The following NDUFAF5 variants were observed in gnomAD, a reference collection of about 807,000 sequenced individuals.
The protein encoded by NDUFAF5 is NADH:ubiquinone oxidoreductase complex assembly factor 5, also known as arginine-hydroxylase NDUFAF5, mitochondrial.
Under a neutral mutation model 48.9 loss-of-function variants are expected in NDUFAF5, and 34 were observed. The ratio of observed to expected loss-of-function variants is 0.70; its 90% CI spans 0.53 to 0.93. The LOEUF is 0.93. NDUFAF5 is among the 40% of genes least tolerant of loss of function. NDUFAF5 has a pLI of 0.00. For missense variants in NDUFAF5, 428 were observed against 427.5 expected (o/e 1.00, Z -0.01); for synonymous variants, 153 against 150.6 (o/e 1.02, Z -0.12).
intron 7 of NDUFAF5, 111 bp downstream of exon 7, chr20:13,801,794 TC>T (rs1347410636): frequency 2.2e-6 from 2 of 919,644 alleles, no homozygotes; most frequent in African/African-American, 3.3e-5. Context: ...ACTCTTTCTC[TC>T]CCTTTTTTTT....
At chr20:13,799,098 G>T (rs1227195251) in intron 6 of NDUFAF5, among the ~76,000 whole-genome samples, 2 of 152,168 alleles carry the variant, frequency 1.3e-5, no homozygotes, top group East Asian at 1.9e-4. Context: ...AGGCACAAGA[G>T]CTTCATCAGC....
chr20:13,813,312 T>A (rs573942900), intron 8 of NDUFAF5, among the ~76,000 whole-genome samples: 67 of 152,348 alleles, frequency 4.4e-4, no homozygotes, highest in African/African-American at 1.6e-3. Flanking sequence ...GTAATGCTGC[T>A]TTTTCTTAAC....
intron 8 of NDUFAF5, among the ~76,000 whole-genome samples, chr20:13,813,168 T>C (rs973514378): frequency 6.6e-6 from 1 of 152,240 alleles, no homozygotes; most frequent in Non-Finnish European, 1.5e-5. Context: ...CAGGCTGGTC[T>C]TGAACTCCTG....
At position 13,813,415 on chromosome 20, in the gene NDUFAF5, T is replaced by C. The variant is rs1343290554; in HGVS notation, c.779-3048T>C. On this transcript the variant is annotated intron_variant, in intron 8 of 10. Coordinates refer to ENST00000378106, the MANE Select transcript of NDUFAF5 (RefSeq NM_024120.5). ...GAAATTATTTACACTTATAAAATGA[T>C]ATTTAACAAAATAGATATAATCATT... Among the ~76,000 whole-genome samples the C allele has an allele frequency of 6.6e-5, 10 of 152,358 alleles. No homozygotes were observed. The East Asian group carries it at 1.9e-3, about 29-fold the overall frequency.
chr20:13,801,773 G>A, intron 7 of NDUFAF5, 90 bp downstream of exon 7: 4 of 1,094,418 alleles, frequency 3.7e-6, no homozygotes, highest in Non-Finnish European at 5.5e-6. Flanking sequence ...ATGTGTTCAT[G>A]GTTTCATGGC....
chr20:13,816,637 C>A (rs959813594), intron 9 of NDUFAF5, 91 bp downstream of exon 9: 12 of 1,026,350 alleles, frequency 1.2e-5, no homozygotes, highest in Middle Eastern at 2.9e-4. Context: ...ATTTTCCATT[C>A]CTGTTAAGGC....
intron 8 of NDUFAF5, among the ~76,000 whole-genome samples, chr20:13,809,657 G>A (rs1045009015): frequency 6.6e-6 from 1 of 152,194 alleles, no homozygotes; most frequent in African/African-American, 2.4e-5. Flanking sequence ...TGCCCCTTGA[G>A]GCATCTTAGA....
Position 13,817,359 on chromosome 20 carries a change from A to G in NDUFAF5, c.*149A>G, listed in dbSNP as rs147825103. ...ATTAGGAAAACCTAATATCACATCTATAGTAACCATTTCAGTTTCATATTG... is the reference window on the plus strand; with the variant it reads ...ATTAGGAAAACCTAATATCACATCTGTAGTAACCATTTCAGTTTCATATTG... On this transcript the variant is annotated 3_prime_UTR_variant, in exon 11 of 11. Transcript: ENST00000378106. The G allele has an allele frequency of 5.2e-5, 38 of 730,250 alleles. No homozygotes were observed. The African/African-American group carries it at 5.9e-4, about 11-fold the overall frequency. 45.2% of individuals were successfully genotyped at this position (730,250 alleles called of 1,614,324 possible).
intron 7 of NDUFAF5, chr20:13,801,931 A>G: frequency 2.3e-6 from 1 of 436,676 alleles, no homozygotes. Context: ...AATGTATCAT[A>G]GTTAACAAGA....
chr20:13,804,415 C>T (rs1984689624), intron 7 of NDUFAF5, among the ~76,000 whole-genome samples: 1 of 148,868 alleles, frequency 6.7e-6, no homozygotes, highest in South Asian at 2.1e-4. Flanking sequence ...TAGTGTGTAA[C>T]CTTCCAGACT....
At chr20:13,798,337 T>C in intron 5 of NDUFAF5, 124 bp from the exon 6 acceptor site, 1 of 741,716 alleles carries the variant, frequency 1.3e-6, no homozygotes, top group Non-Finnish European at 2.5e-6. Flanking sequence ...GATCAGTGGA[T>C]TTGGATATGC....
intron 2 of NDUFAF5, among the ~76,000 whole-genome samples, chr20:13,787,683 C>T (rs1239912399): frequency 3.3e-5 from 5 of 152,178 alleles, no homozygotes; most frequent in Non-Finnish European, 7.3e-5. Context: ...TCCGAAGCCT[C>T]TGTACCTAAC....
In NDUFAF5 at chr20:13,801,626, T is replaced by A. The variant is rs773653504; in HGVS notation, c.660T>A (p.Thr220=). The part of the protein sequence containing the change: ...GGFSPHISPF[T]AVNDLGHLLG... The stretch of plus-strand genomic sequence containing the variant: ...TTTCTCCACACATTTCTCCTTTCAC[T>A]GCTGTCAATGACCTGGGACATCTGC... Residue 220 remains threonine, a synonymous_variant, in exon 7 of 11, where the codon ACT becomes ACA. Coordinates refer to ENST00000378106, the MANE Select transcript of NDUFAF5 (RefSeq NM_024120.5). 2.5e-6 allele frequency: 4 copies of A among 1,614,144 alleles called. No homozygotes were observed. In the South Asian group the frequency reaches 3.3e-5, roughly 13 times the overall value.
intron 7 of NDUFAF5, 187 bp downstream of exon 7, chr20:13,801,870 C>A: frequency 1.7e-6 from 1 of 576,360 alleles, no homozygotes; most frequent in South Asian, 2.2e-5. Flanking sequence ...TTAATTGACA[C>A]AAGGTAGGAA....
rs1358975435 is a variant in NDUFAF5 at position 13,798,409 on chromosome 20, C to G, written c.480-52C>G. The G allele has an allele frequency of 3.1e-6, 4 of 1,307,866 alleles. No homozygotes were observed. The Admixed American group carries it at 6.7e-5, about 22-fold the overall frequency. 81.0% of individuals were successfully genotyped at this position (1,307,866 alleles called of 1,614,324 possible). A position where few individuals can be genotyped will look rare whatever the true frequency, so the allele number is the denominator to read the frequency against. On this transcript the variant is annotated intron_variant, in intron 5 of 10. Transcript: ENST00000378106. ...TATCATTAACCTGGTGATAATTTTA[C>G]TAATTAATTGTGCCAGTTAAGCTAA...
Position 13,816,865 on chromosome 20 carries a change from G to T in NDUFAF5, c.863-10G>T. On this transcript the variant is annotated splice_polypyrimidine_tract_variant and intron_variant, in intron 9 of 10. Coordinates refer to ENST00000378106, the MANE Select transcript of NDUFAF5 (RefSeq NM_024120.5). Reference sequence around the variant, plus strand: ...ATTTTTTCAGACTTTAACCATTATTGTCTTTTTAGAAATGTACAGAAATGA... The same window carrying T: ...ATTTTTTCAGACTTTAACCATTATTTTCTTTTTAGAAATGTACAGAAATGA... 1.3e-6 allele frequency: 2 copies of T among 1,585,106 alleles called. No homozygotes were observed. The highest frequency in any genetic ancestry group is 1.3e-5 in the African/African-American group (1 of 74,348).
chr20:13,787,841 T>G (rs1981466471), intron 2 of NDUFAF5, among the ~76,000 whole-genome samples: 1 of 152,212 alleles, frequency 6.6e-6, no homozygotes, highest in Non-Finnish European at 1.5e-5. Context: ...GTTCCAGTTT[T>G]TCAGGAAGAA....
intron 7 of NDUFAF5, among the ~76,000 whole-genome samples, chr20:13,804,710 G>A (rs1174321034): frequency 2.6e-5 from 4 of 152,124 alleles, no homozygotes; most frequent in African/African-American, 9.7e-5. Context: ...ATTCATTTAT[G>A]TATTCAGTCT....
chr20:13,816,435 T>C (rs2147627588), intron 8 of NDUFAF5, 28 bp from the exon 9 acceptor site: 1 of 1,545,882 alleles, frequency 6.5e-7, no homozygotes, highest in East Asian at 2.2e-5. Context: ...TGCTGTATTA[T>C]CTCAAACTAC....
Sources: allele counts gnomAD v4.1 joint callset (sites outside exome capture counted in the v4.1 genomes callset), GRCh38; gene constraint gnomAD v4.1.1; transcripts MANE v1.5; gene names NCBI Gene and HGNC (gene_info 2026-07-23, HGNC 2026-07-21).